RTN4: variants seen among roughly 807,000 people sequenced by gnomAD.
RTN4 encodes reticulon 4, also known as reticulon-4.
RTN4 carries 32 observed loss-of-function variants against 90.4 expected under a neutral mutation model. The observed-to-expected ratio is 0.35, with a 90% confidence interval of 0.27 to 0.48. The LOEUF is 0.48. RTN4 is among the 20% of genes least tolerant of loss of function. The probability of loss-of-function intolerance (pLI) is 0.99; values close to 1 mark genes in which losing one functional copy is unlikely to be tolerated. For missense variants in RTN4, 1,706 were observed against 1,430.2 expected (o/e 1.19, Z -3.11); for synonymous variants, 629 against 552.5 (o/e 1.14, Z -1.94).
chr2:55,097,326 G>C (rs1029254110), intron 1 of RTN4, among the ~76,000 whole-genome samples: 1 of 149,340 alleles, frequency 6.7e-6, no homozygotes, highest in African/African-American at 2.5e-5. Flanking sequence ...AAAATTCCTT[G>C]GCCTCAGTCC....
intron 3 of RTN4, among the ~76,000 whole-genome samples, chr2:55,000,137 A>C (rs756901637): frequency 6.6e-6 from 1 of 152,152 alleles, no homozygotes; most frequent in Non-Finnish European, 1.5e-5. Context: ...AAGGCAATCA[A>C]ATATTATATG....
chr2:55,045,353 A>G (rs1683351194), intron 1 of RTN4, among the ~76,000 whole-genome samples: 1 of 152,246 alleles, frequency 6.6e-6, no homozygotes, highest in Non-Finnish European at 1.5e-5. Context: ...ACAGATTCAC[A>G]GCCAATTAAA....
At chr2:55,044,073 G>C (rs911716365) in intron 1 of RTN4, among the ~76,000 whole-genome samples, 3 of 151,836 alleles carry the variant, frequency 2.0e-5, no homozygotes, top group Admixed American at 2.0e-4. Context: ...GTACGTGCCT[G>C]TGGTCCCAGC....
chr2:55,025,144 T>G lies in RTN4; in HGVS notation c.2955A>C (p.Thr985=), dbSNP rs757964147. The change falls in exon 3 of 9, where the codon ACA becomes ACC. Residue 985 remains threonine, a synonymous_variant. Transcript: ENST00000337526. ...KEAEKKLPSD[T]EKEDRSPSAI... ...CAGATGGTGATCTGTCCTCTTTTTC[T>G]GTATCGGAAGGAAGTTTTTTCTCAG... 6.2e-7 allele frequency: 1 copy of G among 1,613,586 alleles called. No individual in the cohort carries two copies. The highest frequency in any genetic ancestry group is 8.5e-7 in the Non-Finnish European group (1 of 1,179,736).
intron 3 of RTN4, among the ~76,000 whole-genome samples, chr2:55,022,664 T>A (rs1276459585): frequency 6.6e-6 from 1 of 152,028 alleles, no homozygotes; most frequent in East Asian, 1.9e-4. Context: ...TCACTGCCCT[T>A]TACCAAGGAC....
intron 3 of RTN4, among the ~76,000 whole-genome samples, chr2:55,011,541 G>A (rs3806572): frequency 0.26 from 39,521 of 151,914 alleles, 5,349 homozygotes; most frequent in African/African-American, 0.28. Flanking sequence ...TATAAGATAC[G>A]TAGCCTATGT....
intron 3 of RTN4, among the ~76,000 whole-genome samples, chr2:54,997,949 T>G (rs1679562050): frequency 6.6e-6 from 1 of 152,324 alleles, no homozygotes; most frequent in South Asian, 2.1e-4. Flanking sequence ...TTCAGTCCTA[T>G]CTGCAGTTTC....
At chr2:54,980,366 T>C (rs1446715504) in intron 5 of RTN4, among the ~76,000 whole-genome samples, 2 of 152,210 alleles carry the variant, frequency 1.3e-5, no homozygotes, top group East Asian at 3.8e-4. Context: ...ATGGACTGTG[T>C]ATGGATGAAA....
At chr2:55,110,499 T>C (rs980199816) in intron 1 of RTN4, among the ~76,000 whole-genome samples, 2 of 152,074 alleles carry the variant, frequency 1.3e-5, no homozygotes, top group African/African-American at 4.8e-5. Context: ...AGGAATACCC[T>C]ATGACATATC....
chr2:54,975,031 T>G (rs1441286173), intron 5 of RTN4, among the ~76,000 whole-genome samples: 1 of 152,200 alleles, frequency 6.6e-6, no homozygotes, highest in East Asian at 1.9e-4. Context: ...ATACCAAGGG[T>G]GCATCTTACC....
At chr2:55,110,040 G>A (rs1211293254) in intron 1 of RTN4, among the ~76,000 whole-genome samples, 1 of 152,094 alleles carries the variant, frequency 6.6e-6, no homozygotes, top group African/African-American at 2.4e-5. Context: ...TGGGCGTGGT[G>A]GTTCACACCT....
intron 1 of RTN4, 96 bp downstream of exon 1, chr2:55,049,649 G>A: frequency 6.5e-7 from 1 of 1,527,638 alleles, no homozygotes; most frequent in South Asian, 1.2e-5. Context: ...GCGCCCTCGG[G>A]GCGGAGAGGA....
intron 3 of RTN4, among the ~76,000 whole-genome samples, chr2:55,008,273 T>C (rs573740163): frequency 2.6e-5 from 4 of 152,080 alleles, no homozygotes; most frequent in Non-Finnish European, 5.9e-5. Context: ...AATGCCTAAG[T>C]ATATTTTTTA....
chr2:55,049,196 G>A (rs1030746153), intron 1 of RTN4: 17 of 986,332 alleles, frequency 1.7e-5, no homozygotes, highest in Non-Finnish European at 1.9e-5. Context: ...AGCACAGGAG[G>A]AGGGGGAGGG....
At chr2:55,002,966 C>A (rs937677024) in intron 3 of RTN4, among the ~76,000 whole-genome samples, 1 of 152,106 alleles carries the variant, frequency 6.6e-6, no homozygotes, top group African/African-American at 2.4e-5. Context: ...TTAAATTTTC[C>A]TTCTTGTTGG....
intron 1 of RTN4, among the ~76,000 whole-genome samples, chr2:55,111,989 T>C (rs1668046249): frequency 1.3e-5 from 2 of 151,920 alleles, no homozygotes; most frequent in South Asian, 4.2e-4. Flanking sequence ...TTGCAATGAG[T>C]CTCTGGGGAT....
intron 1 of RTN4, among the ~76,000 whole-genome samples, chr2:55,040,747 C>A (rs1573455606): frequency 6.6e-6 from 1 of 151,820 alleles, no homozygotes; most frequent in South Asian, 2.1e-4. Context: ...ATAAGTACAA[C>A]CTCTATTCAT....
intron 3 of RTN4, among the ~76,000 whole-genome samples, chr2:55,005,603 C>T (rs1355188770): frequency 6.6e-6 from 1 of 152,120 alleles, no homozygotes; most frequent in Non-Finnish European, 1.5e-5. Context: ...TGGAAATAAT[C>T]ACAAATAGAA....
chr2:54,982,751 TCTA>T, intron 4 of RTN4, 98 bp from the exon 5 acceptor site: 1 of 1,365,054 alleles, frequency 7.3e-7, no homozygotes, highest in Non-Finnish European at 9.9e-7. Context: ...AAGAAAATAT[TCTA>T]CTATAAAAGC....
Sources: gnomAD v4.1 joint callset for allele counts (sites outside exome capture counted in the v4.1 genomes callset) on GRCh38, gnomAD v4.1.1 for gene constraint, MANE v1.5 for transcripts, NCBI Gene and HGNC (gene_info 2026-07-23, HGNC 2026-07-21) for gene names.